NRXN1: variants seen among roughly 807,000 people sequenced by gnomAD.
The protein encoded by NRXN1 is neurexin-1.
NRXN1 carries 39 observed loss-of-function variants against 150.9 expected under a neutral mutation model. The ratio of observed to expected loss-of-function variants is 0.26; its 90% CI spans 0.20 to 0.34. The LOEUF (loss-of-function observed/expected upper bound fraction) is 0.34. NRXN1 is among the 10% of genes least tolerant of loss of function. The pLI, the probability that NRXN1 is intolerant of heterozygous loss-of-function variation, is 1.00. For missense variants in NRXN1, 1,815 were observed against 1,949.9 expected, an observed-to-expected ratio of 0.93 and a Z score of 1.30; for synonymous variants, 924 against 757.0, an observed-to-expected ratio of 1.22 and a Z score of -3.62.
intron 5 of NRXN1, among the ~76,000 whole-genome samples, chr2:50,660,111 A>G (rs1458872824): frequency 6.6e-6 from 1 of 152,052 alleles, no homozygotes; most frequent in Non-Finnish European, 1.5e-5. Flanking sequence ...GGGACTTGGA[A>G]GGTCAGGAGA....
At chr2:51,021,668 A>G (rs1246445611) in intron 2 of NRXN1, among the ~76,000 whole-genome samples, 2 of 152,042 alleles carry the variant, frequency 1.3e-5, no homozygotes, top group East Asian at 1.9e-4. Flanking sequence ...TCTGCAGCAT[A>G]TGTGTAAATA....
intron 8 of NRXN1, among the ~76,000 whole-genome samples, chr2:50,591,049 TA>T (rs1273770020): frequency 6.6e-6 from 1 of 152,030 alleles, no homozygotes; most frequent in Non-Finnish European, 1.5e-5. Context: ...TATATACAAA[TA>T]ATATTGATCA....
intron 5 of NRXN1, among the ~76,000 whole-genome samples, chr2:50,733,509 T>C (rs1379570568): frequency 6.6e-6 from 1 of 152,192 alleles, no homozygotes; most frequent in African/African-American, 2.4e-5. Flanking sequence ...AATTTAGTTA[T>C]CTCTGCAGAC....
In NRXN1 at chr2:50,817,298, A is replaced by G. The variant is rs183389893; in HGVS notation, c.832+104571T>C. On this transcript the variant is annotated intron_variant, in intron 5 of 22. Transcript: ENST00000401669. ...AATTCCTAGAAACATACAACCTATC[A>G]ACTGAATCATGAATATAAAATCTGA... Among the ~76,000 whole-genome samples, 6 of 152,230 alleles carry G rather than the reference A, an allele frequency of 3.9e-5. No individual in the cohort carries two copies. In the East Asian group the frequency reaches 1.2e-3, roughly 29 times the overall value.
chr2:50,720,703 C>T (rs1007094239), intron 5 of NRXN1, among the ~76,000 whole-genome samples: 1 of 152,184 alleles, frequency 6.6e-6, no homozygotes, highest in African/African-American at 2.4e-5. Context: ...GACACTCAAG[C>T]ACTTCACCAA....
Position 50,283,677 on chromosome 2 carries a change from T to G in NRXN1, c.3365-46707A>C, listed in dbSNP as rs375343025. 2.0e-4 allele frequency among the ~76,000 whole-genome samples: 30 copies of G among 152,300 alleles called. No individual in the cohort carries two copies. In the East Asian group the frequency reaches 4.1e-3, roughly 21 times the overall value. On this transcript the variant is annotated intron_variant, in intron 17 of 22. Transcript: ENST00000401669. The stretch of plus-strand genomic sequence containing the variant: ...TCTCTTAGCTTATCCAAGTTTTTCC[T>G]TTTCTACTGCACATAACTGTTACAC...
chr2:50,967,380 C>T (rs1694273984), intron 2 of NRXN1, among the ~76,000 whole-genome samples: 1 of 151,808 alleles, frequency 6.6e-6, no homozygotes, highest in African/African-American at 2.4e-5. Context: ...TAGTTAATTC[C>T]ATCATCTCAT....
chr2:49,979,893 T>G (rs1363986676), intron 21 of NRXN1, among the ~76,000 whole-genome samples: 1 of 115,254 alleles, frequency 8.7e-6, no homozygotes, highest in Non-Finnish European at 2.0e-5. Context: ...CATAGTCTTA[T>G]ATTGTTTTTT....
chr2:50,740,394 T>C (rs575066825), intron 5 of NRXN1, among the ~76,000 whole-genome samples: 1 of 152,322 alleles, frequency 6.6e-6, no homozygotes, highest in East Asian at 1.9e-4. Context: ...TGAATGAAAC[T>C]ACTGCACCCA....
intron 5 of NRXN1, among the ~76,000 whole-genome samples, chr2:50,802,910 C>T (rs906891687): frequency 6.6e-6 from 1 of 152,090 alleles, no homozygotes; most frequent in Non-Finnish European, 1.5e-5. Context: ...ACTAGGAAGA[C>T]ACAAGGAACG....
chr2:50,647,895 T>A (rs73933019), intron 5 of NRXN1, among the ~76,000 whole-genome samples: 2,785 of 152,020 alleles, frequency 0.018, 95 homozygotes, highest in East Asian at 0.14. Flanking sequence ...ATGTAGGGCA[T>A]ACAAATTATA....
chr2:50,669,473 CTATT>C (rs1417176874), intron 5 of NRXN1, among the ~76,000 whole-genome samples: 1 of 151,970 alleles, frequency 6.6e-6, no homozygotes, highest in Non-Finnish European at 1.5e-5. Flanking sequence ...TCTATAATCA[CTATT>C]TATTATCCTC....
chr2:50,884,595 G>A (rs1416908886), intron 5 of NRXN1, among the ~76,000 whole-genome samples: 1 of 151,512 alleles, frequency 6.6e-6, no homozygotes, highest in Non-Finnish European at 1.5e-5. Context: ...TAGCTTCGTA[G>A]GAGATAAATA....
chr2:50,765,048 A>G (rs1427077085), intron 5 of NRXN1, among the ~76,000 whole-genome samples: 1 of 152,002 alleles, frequency 6.6e-6, no homozygotes, highest in Non-Finnish European at 1.5e-5. Context: ...TCTCAGGTTG[A>G]GATTTGTAAG....
intron 5 of NRXN1, among the ~76,000 whole-genome samples, chr2:50,865,214 G>T (rs1676710805): frequency 6.6e-6 from 1 of 151,868 alleles, no homozygotes; most frequent in South Asian, 2.1e-4. Context: ...AAATATTCAG[G>T]TATTATCTTT....
chr2:50,773,000 T>C (rs1359696061), intron 5 of NRXN1, among the ~76,000 whole-genome samples: 1 of 152,140 alleles, frequency 6.6e-6, no homozygotes, highest in East Asian at 1.9e-4. Context: ...AATACTTTGC[T>C]TTCCCACTGT....
At chr2:50,606,606 C>CAACAATAAT in intron 8 of NRXN1, among the ~76,000 whole-genome samples, 1 of 146,972 alleles carries the variant, frequency 6.8e-6, no homozygotes, top group East Asian at 2.0e-4. Flanking sequence ...GCTGCTCATA[C>CAACAATAAT]AATAATAATA....
intron 8 of NRXN1, among the ~76,000 whole-genome samples, chr2:50,578,672 C>A (rs1335479777): frequency 1.3e-5 from 2 of 151,748 alleles, no homozygotes; most frequent in East Asian, 1.9e-4. Flanking sequence ...GTATATCCAC[C>A]ATCACCATCC....
chr2:50,991,696 A>C (rs1226727115), intron 2 of NRXN1, among the ~76,000 whole-genome samples: 1 of 152,022 alleles, frequency 6.6e-6, no homozygotes, highest in African/African-American at 2.4e-5. Context: ...GTCTGACATC[A>C]TGTACTAAAT....
Sources: allele counts gnomAD v4.1 joint callset (sites outside exome capture counted in the v4.1 genomes callset), GRCh38; gene constraint gnomAD v4.1.1; transcripts MANE v1.5; gene names NCBI Gene and HGNC (gene_info 2026-07-23, HGNC 2026-07-21).